Variants in MAGI2 observed in about 807,000 individuals in gnomAD.
The protein encoded by MAGI2 is membrane associated guanylate kinase, WW and PDZ domain containing 2, also known as membrane-associated guanylate kinase, WW and PDZ domain-containing protein 2.
Under a neutral mutation model 133.3 loss-of-function variants are expected in MAGI2, and 35 were observed. The ratio of observed to expected loss-of-function variants is 0.26; its 90% CI spans 0.20 to 0.35. The LOEUF is 0.35. Ranked by LOEUF, MAGI2 falls within the 10% of genes least tolerant of loss-of-function variation. MAGI2 has a pLI of 1.00. For synonymous variants in MAGI2, 729 were observed against 710.6 expected, an observed-to-expected ratio of 1.03 and a Z score of -0.41; for missense variants, 1,636 against 1,863.4, an observed-to-expected ratio of 0.88 and a Z score of 2.25.
intron 2 of MAGI2, among the ~76,000 whole-genome samples, chr7:78,663,202 CTT>C (rs35544274): frequency 0.011 from 1,211 of 109,196 alleles, 16 homozygotes; most frequent in African/African-American, 0.035. Context: ...TGTACCAACT[CTT>C]TTTTTTTTTT....
At chr7:78,548,225 T>G (rs372821998) in intron 3 of MAGI2, among the ~76,000 whole-genome samples, 32 of 152,326 alleles carry the variant, frequency 2.1e-4, no homozygotes, top group Middle Eastern at 3.4e-3. Context: ...ACAACATAAT[T>G]AAACAACCTA....
chr7:78,978,917 G>A (rs141545100), intron 2 of MAGI2, among the ~76,000 whole-genome samples: 3,459 of 151,782 alleles, frequency 0.023, 135 homozygotes, highest in African/African-American at 0.078. Context: ...TACAGGAACC[G>A]AACAACTGAA....
At chr7:78,842,737 A>G (rs1168143377) in intron 2 of MAGI2, among the ~76,000 whole-genome samples, 2 of 152,040 alleles carry the variant, frequency 1.3e-5, no homozygotes, top group Non-Finnish European at 1.5e-5. Flanking sequence ...AAGTACAAAA[A>G]TGTTATTTTC....
chr7:79,416,021 A>T (rs183683726), intron 1 of MAGI2, among the ~76,000 whole-genome samples: 2 of 152,312 alleles, frequency 1.3e-5, no homozygotes, highest in East Asian at 1.9e-4. Flanking sequence ...CTAATACCTA[A>T]TAATGAGTAG....
intron 1 of MAGI2, among the ~76,000 whole-genome samples, chr7:79,255,888 A>C (rs1286510579): frequency 1.3e-5 from 2 of 152,200 alleles, no homozygotes; most frequent in Non-Finnish European, 2.9e-5. Context: ...AAGGATTTGG[A>C]TGTTTTCCAG....
intron 1 of MAGI2, among the ~76,000 whole-genome samples, chr7:79,356,304 A>G (rs2129116567): frequency 6.6e-6 from 1 of 151,332 alleles, no homozygotes; most frequent in East Asian, 2.0e-4. Flanking sequence ...CTAATAAATA[A>G]CATGCTATGT....
intron 2 of MAGI2, among the ~76,000 whole-genome samples, chr7:78,673,693 G>A (rs1203806649): frequency 6.6e-6 from 1 of 152,030 alleles, no homozygotes; most frequent in Non-Finnish European, 1.5e-5. Context: ...ATTAGCCTGG[G>A]GGCGGCGGGG....
rs572089270 is a variant in MAGI2 at position 78,346,449 on chromosome 7, A to T, written c.1104-406T>A. On this transcript the variant is annotated intron_variant, in intron 7 of 21. Transcript: ENST00000354212. ...TTGCAAAGTCCCCATATCCAACAGG[A>T]TAAATGTGAGGTAAATTCATTGATA... 3.3e-5 allele frequency among the ~76,000 whole-genome samples: 5 copies of T among 152,326 alleles called. No homozygotes were observed. The East Asian group carries it at 9.6e-4, about 29-fold the overall frequency.
At chr7:78,982,615 T>C (rs1804887741) in intron 2 of MAGI2, among the ~76,000 whole-genome samples, 2 of 151,882 alleles carry the variant, frequency 1.3e-5, no homozygotes, top group African/African-American at 4.8e-5. Context: ...CCTCCTGACT[T>C]AGCCTCCAGA....
intron 9 of MAGI2, among the ~76,000 whole-genome samples, chr7:78,309,022 A>G (rs1413454006): frequency 7.1e-6 from 1 of 141,092 alleles, no homozygotes; most frequent in African/African-American, 2.4e-5. Context: ...ACTATTATTA[A>G]AAAGGAAAAA....
chr7:78,661,573 C>T lies in MAGI2; in HGVS notation c.419-34334G>A, dbSNP rs77369230. Among the ~76,000 whole-genome samples, 354 of 152,262 alleles carry T rather than the reference C, an allele frequency of 2.3e-3. 1 individual carries two copies. Among genetic ancestry groups the T allele is most frequent in the African/African-American group, 8.3e-3 (343 of 41,568 alleles). On this transcript the variant is annotated intron_variant, in intron 2 of 21. Coordinates refer to ENST00000354212, the MANE Select transcript of MAGI2 (RefSeq NM_012301.4). ...CAAATCTTACAGATTCCATGTCTTT[C>T]GACTTTGATTCTTTCTACCCATTCT...
intron 2 of MAGI2, among the ~76,000 whole-genome samples, chr7:78,915,446 A>G (rs1259286470): frequency 1.3e-5 from 2 of 152,114 alleles, no homozygotes; most frequent in Non-Finnish European, 2.9e-5. Flanking sequence ...AGATGCATAT[A>G]AATAAAATTA....
At chr7:78,430,860 C>T (rs1799727323) in intron 6 of MAGI2, among the ~76,000 whole-genome samples, 1 of 152,052 alleles carries the variant, frequency 6.6e-6, no homozygotes. Context: ...ACCAGGATCC[C>T]TAGTTGACTC....
At chr7:78,056,441 G>A (rs978281256) in intron 21 of MAGI2, among the ~76,000 whole-genome samples, 1 of 152,080 alleles carries the variant, frequency 6.6e-6, no homozygotes, top group Admixed American at 6.6e-5. Context: ...ATGATAGACT[G>A]GATAAAGAAA....
intron 2 of MAGI2, among the ~76,000 whole-genome samples, chr7:78,655,429 C>A (rs376697966): frequency 7.1e-5 from 2 of 28,198 alleles, no homozygotes; most frequent in Non-Finnish European, 7.4e-5. Context: ...CAAAACAAAA[C>A]AAAAAACAAA....
intron 16 of MAGI2, among the ~76,000 whole-genome samples, chr7:78,141,460 A>C (rs535731550): frequency 1.3e-5 from 2 of 152,290 alleles, no homozygotes; most frequent in South Asian, 4.1e-4. Context: ...GTCCTTCAAA[A>C]GAGTTTTCTT....
chr7:79,360,078 A>C (rs1039731184), intron 1 of MAGI2, among the ~76,000 whole-genome samples: 1 of 152,200 alleles, frequency 6.6e-6, no homozygotes, highest in East Asian at 1.9e-4. Flanking sequence ...ATCTTCAGCC[A>C]ACAACTGCTC....
intron 1 of MAGI2, among the ~76,000 whole-genome samples, chr7:79,383,222 G>T (rs897132728): frequency 6.6e-6 from 1 of 151,532 alleles, no homozygotes; most frequent in African/African-American, 2.4e-5. Context: ...TTGGGAAGTT[G>T]TTTGGCCTAG....
At position 78,230,481 on chromosome 7, in the gene MAGI2, AT is replaced by A. The variant is rs779948075; in HGVS notation, c.2047+25461del. Among the ~76,000 whole-genome samples, 12 of 151,486 alleles carry A rather than the reference AT, an allele frequency of 7.9e-5. No homozygotes were observed. The East Asian group carries it at 1.2e-3, about 15-fold the overall frequency. On this transcript the variant is annotated intron_variant, in intron 10 of 21. Coordinates refer to ENST00000354212, the MANE Select transcript of MAGI2 (RefSeq NM_012301.4). ...GCTAGTACTTTTTAGTGAATATGCAATTTTTTTTTAGAGAATAACTTTCGTC... is the reference window on the plus strand; with the variant it reads ...GCTAGTACTTTTTAGTGAATATGCAATTTTTTTTAGAGAATAACTTTCGTC...
Sources: allele counts gnomAD v4.1 joint callset (sites outside exome capture counted in the v4.1 genomes callset), GRCh38; gene constraint gnomAD v4.1.1; transcripts MANE v1.5; gene names NCBI Gene and HGNC (gene_info 2026-07-23, HGNC 2026-07-21).